PPP1R1C: variants seen among roughly 807,000 people sequenced by gnomAD.
PPP1R1C encodes protein phosphatase 1 regulatory subunit 1C.
PPP1R1C carries 15 observed loss-of-function variants against 17.4 expected under a neutral mutation model. The ratio of observed to expected loss-of-function variants is 0.86; its 90% CI spans 0.58 to 1.33. The LOEUF (loss-of-function observed/expected upper bound fraction) is 1.33, where lower values mean the gene tolerates loss of function less well. Ranked by LOEUF, PPP1R1C falls within the 40% of genes most tolerant of loss-of-function variation. PPP1R1C has a pLI of 0.00. For synonymous variants in PPP1R1C, 35 were observed against 43.1 expected, an observed-to-expected ratio of 0.81 and a Z score of 0.73; for missense variants, 143 against 130.0, an observed-to-expected ratio of 1.10 and a Z score of -0.48.
At chr2:181,983,328 G>T (rs150408352), upstream of PPP1R1C, among the ~76,000 whole-genome samples, 18 of 152,100 alleles carry the variant, frequency 1.2e-4, no homozygotes, top group African/African-American at 4.1e-4. Context: ...TCTGACTCCC[G>T]ATTACCTAAT....
At chr2:182,057,530 A>G (rs1434591478) in intron 2 of PPP1R1C, among the ~76,000 whole-genome samples, 1 of 152,158 alleles carries the variant, frequency 6.6e-6, no homozygotes, top group Non-Finnish European at 1.5e-5. Flanking sequence ...ATTTTATTTT[A>G]TGCTTTGTTC....
intron 2 of PPP1R1C, among the ~76,000 whole-genome samples, chr2:182,031,967 G>C (rs1036308151): frequency 6.6e-6 from 1 of 152,216 alleles, no homozygotes; most frequent in East Asian, 1.9e-4. Context: ...GATTGTTGGA[G>C]AGAGTTAGAA....
intron 2 of PPP1R1C, among the ~76,000 whole-genome samples, chr2:181,997,079 A>C (rs1685633002): frequency 6.6e-6 from 1 of 151,560 alleles, no homozygotes; most frequent in African/African-American, 2.4e-5. Context: ...AATACAAAAC[A>C]TTAGCTGGGC....
At chr2:181,984,228 C>T (rs1426258982), upstream of PPP1R1C, among the ~76,000 whole-genome samples, 1 of 152,154 alleles carries the variant, frequency 6.6e-6, no homozygotes, top group Non-Finnish European at 1.5e-5. Flanking sequence ...GTAATCTAAA[C>T]CTCACAAGAA....
chr2:182,101,858 A>G (rs945138560), intron 4 of PPP1R1C, among the ~76,000 whole-genome samples: 36 of 152,184 alleles, frequency 2.4e-4, no homozygotes, highest in African/African-American at 8.7e-4. Flanking sequence ...GCCAGTAACT[A>G]GGTGGGGAGG....
At chr2:182,084,151 C>A (rs974050592) in intron 4 of PPP1R1C, among the ~76,000 whole-genome samples, 1 of 151,780 alleles carries the variant, frequency 6.6e-6, no homozygotes, top group African/African-American at 2.4e-5. Flanking sequence ...GAATTTCTTG[C>A]AGAGTCTTGT....
chr2:181,996,310 A>C (rs1431583488), intron 2 of PPP1R1C, among the ~76,000 whole-genome samples: 2 of 152,128 alleles, frequency 1.3e-5, no homozygotes, highest in East Asian at 3.9e-4. Flanking sequence ...TGTCCTAAAC[A>C]AATGTCCCAG....
intron 1 of PPP1R1C, among the ~76,000 whole-genome samples, chr2:181,972,809 A>G (rs903298878): frequency 1.3e-5 from 2 of 152,176 alleles, no homozygotes; most frequent in East Asian, 1.9e-4. Context: ...TGATTTCCTT[A>G]TCATACTTTC....
At chr2:182,031,396 AG>A (rs933253634) in intron 2 of PPP1R1C, among the ~76,000 whole-genome samples, 3 of 152,244 alleles carry the variant, frequency 2.0e-5, no homozygotes, top group African/African-American at 7.2e-5. Context: ...TTTTATGTGA[AG>A]AAAAAAGTCG....
intron 2 of PPP1R1C, among the ~76,000 whole-genome samples, chr2:182,060,152 C>T (rs1378430968): frequency 2.6e-5 from 4 of 151,906 alleles, no homozygotes; most frequent in African/African-American, 7.2e-5. Context: ...AACTGTCTGT[C>T]CTCCCTTATA....
intron 1 of PPP1R1C, among the ~76,000 whole-genome samples, chr2:181,973,882 T>A (rs1214343247): frequency 6.6e-6 from 1 of 152,196 alleles, no homozygotes; most frequent in Non-Finnish European, 1.5e-5. Context: ...GTTTTCTTTT[T>A]AAAAAATATT....
intron 4 of PPP1R1C, among the ~76,000 whole-genome samples, chr2:182,076,876 T>C (rs1688328988): frequency 6.6e-6 from 1 of 152,228 alleles, no homozygotes; most frequent in African/African-American, 2.4e-5. Context: ...CCAAAGATTC[T>C]TAGCCTATCT....
intron 4 of PPP1R1C, among the ~76,000 whole-genome samples, chr2:182,114,053 G>A (rs1365468953): frequency 3.3e-5 from 5 of 151,960 alleles, no homozygotes; most frequent in Admixed American, 2.6e-4. Flanking sequence ...TTCTTTTATT[G>A]TCTGCTTTCT....
intron 4 of PPP1R1C, among the ~76,000 whole-genome samples, chr2:182,112,052 A>T (rs1024199915): frequency 9.9e-5 from 15 of 152,212 alleles, no homozygotes; most frequent in African/African-American, 3.1e-4. Flanking sequence ...CTAATGCACC[A>T]TTTGTTTTAC....
chr2:182,122,920 T>G (rs1997443), intron 5 of PPP1R1C, among the ~76,000 whole-genome samples: 104,483 of 151,612 alleles, frequency 0.69, 36,410 homozygotes, highest in African/African-American at 0.79. Flanking sequence ...GTTTGTTACA[T>G]AGGTATACAG....
intron 4 of PPP1R1C, among the ~76,000 whole-genome samples, chr2:182,102,087 ATAATT>A (rs1401179066): frequency 6.6e-6 from 1 of 152,370 alleles, no homozygotes; most frequent in East Asian, 1.9e-4. Flanking sequence ...AAATTATGAT[ATAATT>A]GAGCTACTAA....
At chr2:182,050,870 A>G (rs1687493592) in intron 2 of PPP1R1C, among the ~76,000 whole-genome samples, 1 of 152,238 alleles carries the variant, frequency 6.6e-6, no homozygotes, top group Non-Finnish European at 1.5e-5. Context: ...TTCCTAGAGT[A>G]TGAGTCTCAG....
At chr2:182,096,926 G>A (rs1306950846) in intron 4 of PPP1R1C, among the ~76,000 whole-genome samples, 1 of 152,138 alleles carries the variant, frequency 6.6e-6, no homozygotes, top group Non-Finnish European at 1.5e-5. Context: ...CAATTTCTTG[G>A]TGTCAGGATT....
At chr2:182,069,148 C>A (rs943922717) in intron 4 of PPP1R1C, among the ~76,000 whole-genome samples, 1 of 152,030 alleles carries the variant, frequency 6.6e-6, no homozygotes, top group Non-Finnish European at 1.5e-5. Flanking sequence ...TAAATCTTGG[C>A]TTTTTTGTTT....
Sources: gnomAD v4.1 joint callset for allele counts (sites outside exome capture counted in the v4.1 genomes callset) on GRCh38, gnomAD v4.1.1 for gene constraint, MANE v1.5 for transcripts, NCBI Gene and HGNC (gene_info 2026-07-23, HGNC 2026-07-21) for gene names.